The following NSUN6 variants were observed in gnomAD, a reference collection of about 807,000 sequenced individuals.
NSUN6 encodes the protein tRNA (cytosine(72)-C(5))-methyltransferase NSUN6.
Under a neutral mutation model 58.0 loss-of-function variants are expected in NSUN6, and 64 were observed. The observed-to-expected ratio is 1.10, with a 90% CI of 0.90 to 1.36. NSUN6 has a LOEUF of 1.36. NSUN6 is among the 40% of genes most tolerant of loss of function. NSUN6 has a pLI of 0.00. For missense variants in NSUN6, 701 were observed against 550.1 expected, an observed-to-expected ratio of 1.27 and a Z score of -2.74; for synonymous variants, 231 against 193.9, an observed-to-expected ratio of 1.19 and a Z score of -1.59.
At chr10:18,547,648 T>C (rs993241607) in intron 10 of NSUN6, among the ~76,000 whole-genome samples, 5 of 152,190 alleles carry the variant, frequency 3.3e-5, no homozygotes, top group Admixed American at 2.0e-4. Context: ...ATATTATACA[T>C]TTTATATAAT....
intron 5 of NSUN6, among the ~76,000 whole-genome samples, chr10:18,612,025 A>G (rs1197659892): frequency 6.6e-6 from 1 of 152,176 alleles, no homozygotes. Flanking sequence ...TCCAGTCAGG[A>G]CCAAATCAAA....
chr10:18,602,470 G>A (rs909902998), intron 6 of NSUN6, among the ~76,000 whole-genome samples: 1 of 151,988 alleles, frequency 6.6e-6, no homozygotes, highest in South Asian at 2.1e-4. Flanking sequence ...TCCTGAACTC[G>A]TGATCCGCCC....
chr10:18,551,724 G>T, intron 9 of NSUN6, 99 bp downstream of exon 9: 2 of 952,218 alleles, frequency 2.1e-6, no homozygotes, highest in South Asian at 1.7e-5. Flanking sequence ...CCACCTTTTG[G>T]CTATTGTAAT....
At chr10:18,564,386 CCCGT>C (rs1471491711) in intron 8 of NSUN6, among the ~76,000 whole-genome samples, 1 of 150,486 alleles carries the variant, frequency 6.6e-6, no homozygotes, top group Non-Finnish European at 1.5e-5. Context: ...ATTCCATTCT[CCCGT>C]CCATTTTTCA....
At chr10:18,591,607 A>G (rs768026286) in intron 7 of NSUN6, among the ~76,000 whole-genome samples, 1 of 152,182 alleles carries the variant, frequency 6.6e-6, no homozygotes, top group Non-Finnish European at 1.5e-5. Flanking sequence ...ATAAACAACC[A>G]ATGACAAAAA....
chr10:18,547,304 T>G (rs1000552673), intron 10 of NSUN6, among the ~76,000 whole-genome samples: 2 of 152,208 alleles, frequency 1.3e-5, no homozygotes, highest in Non-Finnish European at 2.9e-5. Context: ...AGGGGAAAAC[T>G]TCCCATCCCT....
At chr10:18,546,199 G>A in intron 10 of NSUN6, 54 bp from the exon 11 acceptor site, 4 of 1,180,060 alleles carry the variant, frequency 3.4e-6, no homozygotes, top group African/African-American at 1.5e-5. Context: ...TAGCAAGTAT[G>A]ACTGCTACAA....
In NSUN6 at chr10:18,562,253, C is replaced by G. The variant is rs145912846; in HGVS notation, c.923-10282G>C. On this transcript the variant is annotated intron_variant, in intron 8 of 10. Coordinates refer to ENST00000377304, the MANE Select transcript of NSUN6 (RefSeq NM_182543.5). ...GGAATGGAGAATGGAATGGATTGGA[C>G]AGGAATGCAGAATGGAATGGAATAG... 3.8e-4 allele frequency among the ~76,000 whole-genome samples: 52 copies of G among 136,028 alleles called. 4 individuals are homozygous for G. The highest frequency in any genetic ancestry group is 1.4e-3 in the African/African-American group (51 of 35,880). The allele number at this position is 136,028 out of a possible 152,430, so 89.2% of individuals were successfully genotyped here.
intron 3 of NSUN6, among the ~76,000 whole-genome samples, chr10:18,642,227 A>G (rs764782021): frequency 1.8e-4 from 27 of 151,634 alleles, no homozygotes; most frequent in East Asian, 1.4e-3. Flanking sequence ...GGGGGGGGGA[A>G]AACATCACTG....
intron 8 of NSUN6, 130 bp downstream of exon 8, chr10:18,585,819 T>A (rs2057108371): frequency 1.5e-6 from 1 of 676,808 alleles, no homozygotes; most frequent in Middle Eastern, 3.7e-4. Context: ...AGTACAGTGA[T>A]GGATATGTTA....
intron 8 of NSUN6, among the ~76,000 whole-genome samples, chr10:18,563,930 G>A (rs907502296): frequency 7.1e-5 from 9 of 126,498 alleles, no homozygotes; most frequent in African/African-American, 1.8e-4. Flanking sequence ...TCCATTCCAC[G>A]TCATTCTTCA....
chr10:18,621,133 A>T (rs2058591536), intron 3 of NSUN6, among the ~76,000 whole-genome samples: 1 of 152,208 alleles, frequency 6.6e-6, no homozygotes, highest in African/African-American at 2.4e-5. Flanking sequence ...AGTAAATACC[A>T]GCTTTCCTTC....
intron 8 of NSUN6, among the ~76,000 whole-genome samples, chr10:18,566,410 C>G (rs983055417): frequency 6.6e-6 from 1 of 150,942 alleles, no homozygotes; most frequent in African/African-American, 2.4e-5. Context: ...CTTCTTCATT[C>G]TATTCCATTC....
In NSUN6 at chr10:18,595,488, C is replaced by G. The variant is rs1040216607; in HGVS notation, c.777+720G>C. Among the ~76,000 whole-genome samples the G allele has an allele frequency of 2.6e-5, 4 of 152,170 alleles. No individual in the cohort carries two copies. The East Asian group carries it at 7.7e-4, about 29-fold the overall frequency. On this transcript the variant is annotated intron_variant, in intron 7 of 10. Transcript: ENST00000377304. ...GTGAAAAATGATTTGCATTAAACAT[C>G]ACAACGCCACAAAATCAACCCTTCT...
intron 8 of NSUN6, among the ~76,000 whole-genome samples, chr10:18,558,346 GATGGAATGGAGA>G (rs1444099323): frequency 3.0e-5 from 4 of 134,230 alleles, no homozygotes; most frequent in Non-Finnish European, 7.1e-5. Flanking sequence ...TGAGGAATGG[GATGGAATGGAGA>G]ATGGAATGGA....
chr10:18,554,692 T>C (rs2133439496), intron 8 of NSUN6, among the ~76,000 whole-genome samples: 1 of 149,578 alleles, frequency 6.7e-6, no homozygotes, highest in Non-Finnish European at 1.5e-5. Context: ...GAATGCTGAA[T>C]GGAATGCAGA....
At chr10:18,550,884 C>T (rs572888844) in intron 9 of NSUN6, among the ~76,000 whole-genome samples, 15 of 152,100 alleles carry the variant, frequency 9.9e-5, no homozygotes, top group African/African-American at 3.6e-4. Flanking sequence ...ACAACCACAC[C>T]CAGCTAATTT....
chr10:18,596,133 C>G, intron 7 of NSUN6, 75 bp downstream of exon 7: 1 of 1,260,958 alleles, frequency 7.9e-7, no homozygotes, highest in Non-Finnish European at 1.1e-6. Flanking sequence ...CTGTGAATGG[C>G]TCTATGTTTC....
At chr10:18,547,186 G>T (rs1168629786) in intron 10 of NSUN6, among the ~76,000 whole-genome samples, 2 of 152,142 alleles carry the variant, frequency 1.3e-5, no homozygotes, top group Non-Finnish European at 2.9e-5. Context: ...TACTGAAGAA[G>T]ATCTATAATC....
Sources: gnomAD v4.1 joint callset for allele counts (sites outside exome capture counted in the v4.1 genomes callset) on GRCh38, gnomAD v4.1.1 for gene constraint, MANE v1.5 for transcripts, NCBI Gene and HGNC (gene_info 2026-07-23, HGNC 2026-07-21) for gene names.